Variants in MKS1 observed in about 807,000 individuals in gnomAD.
MKS1 encodes tectonic-like complex member MKS1.
Under a neutral mutation model 83.7 loss-of-function variants are expected in MKS1, and 70 were observed. That is an observed-to-expected ratio of 0.84 (90% CI 0.69 to 1.02). The LOEUF (loss-of-function observed/expected upper bound fraction) is 1.02, where lower values mean the gene tolerates loss of function less well. MKS1 is among the 50% of genes least tolerant of loss of function. The pLI is 0.00. For missense variants in MKS1, 681 were observed against 726.9 expected (o/e 0.94, Z 0.73); for synonymous variants, 251 against 273.4 (o/e 0.92, Z 0.81).
chr17:58,213,716 C>A (rs1184503080), intron 7 of MKS1, 49 bp downstream of exon 7: 1 of 1,439,758 alleles, frequency 6.9e-7, no homozygotes. Flanking sequence ...AAAAGTGCAA[C>A]CAAGGGAAGG....
At chr17:58,218,239 G>C (rs1969348486) in intron 2 of MKS1, among the ~76,000 whole-genome samples, 3 of 151,994 alleles carry the variant, frequency 2.0e-5, no homozygotes, top group Non-Finnish European at 4.4e-5. Flanking sequence ...ACGAGGTCAG[G>C]AGATCGAGAC....
At position 58,219,186 on chromosome 17, in the gene MKS1, A is replaced by T; in HGVS notation, c.45T>A (p.Tyr15Ter). The T allele has an allele frequency of 3.2e-6, 5 of 1,551,218 alleles. No homozygotes were observed. Among genetic ancestry groups the T allele is most frequent in the Non-Finnish European group, 4.4e-6 (5 of 1,147,002 alleles). The change falls in exon 1 of 18, where the codon TAT becomes TAA. Residue 15 changes from tyrosine to a stop codon, truncating the protein, a stop_gained. Coordinates refer to ENST00000393119, the MANE Select transcript of MKS1 (RefSeq NM_017777.4). LOFTEE classifies it high-confidence loss of function. ...AGTTGCGCACGGGGTCCCGGGAGCG[A>T]TACACTGCCTCCCCGGTGTCAGTGC... ...VWSTDTGEAV[Y>*]RSRDPVRNLR...
Position 58,205,839 on chromosome 17 carries a change from C to T in MKS1, c.*240G>A. 4 of 1,439,522 alleles carry T rather than the reference C, an allele frequency of 2.8e-6. No individual in the cohort carries two copies. In the African/African-American group the frequency reaches 5.7e-5, roughly 21 times the overall value. 89.2% of individuals were successfully genotyped at this position (1,439,522 alleles called of 1,614,324 possible). A position where few individuals can be genotyped will look rare whatever the true frequency, so the allele number is the denominator to read the frequency against. On this transcript the variant is annotated 3_prime_UTR_variant, in exon 18 of 18. Transcript: ENST00000393119. Reference sequence around the variant, plus strand: ...CAAAAAGCCTGCCTTGCTGTGATGCCCATTGACAGTGGCTGCAAATATAAA... The same window carrying T: ...CAAAAAGCCTGCCTTGCTGTGATGCTCATTGACAGTGGCTGCAAATATAAA...
intron 6 of MKS1, 146 bp downstream of exon 6, chr17:58,214,113 T>G (rs1969045195): frequency 1.0e-5 from 13 of 1,251,578 alleles, no homozygotes; most frequent in Non-Finnish European, 1.5e-5. Context: ...GAGTTGGCAG[T>G]GAGAAGCTTC....
At position 58,218,560 on chromosome 17, in the gene MKS1, C is replaced by A. The variant is rs1055700914; in HGVS notation, c.190+60G>T. 6.4e-6 allele frequency: 8 copies of A among 1,259,072 alleles called. No individual in the cohort carries two copies. In the African/African-American group the frequency reaches 1.0e-4, roughly 17 times the overall value. 78.0% of individuals were successfully genotyped at this position (1,259,072 alleles called of 1,614,324 possible). On this transcript the variant is annotated intron_variant, in intron 2 of 17. Coordinates refer to ENST00000393119, the MANE Select transcript of MKS1 (RefSeq NM_017777.4). ...TATTTGTTATCTCACTACATTTGGC[C>A]ACAATTCTGATTAGTATCATAATTA...
chr17:58,207,895 TG>T lies in MKS1; in HGVS notation c.1271del (p.Pro424GlnfsTer6). The T allele has an allele frequency of 6.2e-7, 1 of 1,613,568 alleles. No homozygotes were observed. Among genetic ancestry groups the T allele is most frequent in the Non-Finnish European group, 8.5e-7 (1 of 1,179,526 alleles). The stretch of plus-strand genomic sequence containing the variant: ...AGAAGGGCAGAGACGAGCGGTTACC[TG>T]GAGTGGCAGGCAGCACCACAGCCCC... ...GYGAVVLPATPGSHTLTVSTW... is the reference protein window; with the variant it reads ...GYGAVVLPATXGSHTLTVSTW... On this transcript the variant is annotated frameshift_variant and splice_region_variant, in exon 14 of 18. Transcript: ENST00000393119. LOFTEE classifies it high-confidence loss of function.
intron 4 of MKS1, 181 bp downstream of exon 4, chr17:58,215,907 C>T (rs772394798): frequency 7.8e-5 from 57 of 726,570 alleles, no homozygotes; most frequent in Middle Eastern, 3.9e-4. Context: ...GCAGCCTCAC[C>T]ACCTGTAGAC....
Position 58,214,306 on chromosome 17 carries a change from G to T in MKS1, c.597C>A (p.Thr199=). 1 of 1,614,106 alleles carries T rather than the reference G, an allele frequency of 6.2e-7. No homozygotes were observed. The highest frequency in any genetic ancestry group is 8.5e-7 in the Non-Finnish European group (1 of 1,180,036). Residue 199 remains threonine, a synonymous_variant, in exon 6 of 18, where the codon ACC becomes ACA. Coordinates refer to ENST00000393119, the MANE Select transcript of MKS1 (RefSeq NM_017777.4). ...CCATGATGTGCATTGTCTGAAGAGG[G>T]GTGTTAATGACGTGGTTGTTCCTGA... is the stretch of plus-strand genomic sequence containing the variant. ...EFVRNNHVIN[T]PLQTMHIMAD... is the part of the protein sequence containing the mutation.
At position 58,205,508 on chromosome 17, in the gene MKS1, T is replaced by G; in HGVS notation, c.*571A>C. 7.8e-7 allele frequency: 1 copy of G among 1,281,094 alleles called. No individual in the cohort carries two copies. The highest frequency in any genetic ancestry group is 1.0e-6 in the Non-Finnish European group (1 of 980,742). 79.4% of individuals were successfully genotyped at this position (1,281,094 alleles called of 1,614,324 possible). A position where few individuals can be genotyped will look rare whatever the true frequency, so the allele number is the denominator to read the frequency against. On this transcript the variant is annotated 3_prime_UTR_variant, in exon 18 of 18. Coordinates refer to ENST00000393119, the MANE Select transcript of MKS1 (RefSeq NM_017777.4). ...ACAAACAAAAAAACACAGTAAAAGA[T>G]ACCACCCAGCTAGCAGAAAGGACTC...
chr17:58,211,257 T>G lies in MKS1; in HGVS notation c.916-235A>C, dbSNP rs373716580. On this transcript the variant is annotated intron_variant, in intron 9 of 17. Transcript: ENST00000393119. ...AAATGGCAGTGAGGACAATGCACTA[T>G]GGGAAATTATTCAAGCAACAGCAAC... 4.7e-4 allele frequency: 262 copies of G among 556,826 alleles called. 1 individual carries two copies. The East Asian group carries it at 6.4e-3, about 14-fold the overall frequency. The allele number at this position is 556,826 out of a possible 1,614,324, so 34.5% of individuals were successfully genotyped here. A position where few individuals can be genotyped will look rare whatever the true frequency, so the allele number is the denominator to read the frequency against.
chr17:58,212,451 A>C lies in MKS1; in HGVS notation c.859-17T>G. ...GCCATAAAGCTGAGGAAACAAACCA[A>C]ACCAAAACTCAAGATGCAACCCAAG... On this transcript the variant is annotated splice_polypyrimidine_tract_variant and intron_variant, in intron 8 of 17. Transcript: ENST00000393119. 6.2e-7 allele frequency: 1 copy of C among 1,614,108 alleles called. No individual in the cohort carries two copies. The highest frequency in any genetic ancestry group is 8.5e-7 in the Non-Finnish European group (1 of 1,179,990).
Position 58,214,852 on chromosome 17 carries a change from G to T in MKS1, c.418-14C>A. The T allele has an allele frequency of 6.3e-7, 1 of 1,595,150 alleles. No individual in the cohort carries two copies. On this transcript the variant is annotated splice_polypyrimidine_tract_variant and intron_variant, in intron 4 of 17. Coordinates refer to ENST00000393119, the MANE Select transcript of MKS1 (RefSeq NM_017777.4). ...TCTCTGACAGTGCTGGGAAAAGCAA[G>T]CAGCCCTGTGTACGCCATCTGGTCA...
chr17:58,211,872 T>G (rs906832219), intron 9 of MKS1, among the ~76,000 whole-genome samples: 1 of 152,138 alleles, frequency 6.6e-6, no homozygotes, highest in African/African-American at 2.4e-5. Context: ...GGCCTATATT[T>G]TTTAAGAGCC....
chr17:58,214,788 G>T lies in MKS1; in HGVS notation c.468C>A (p.Val156=). 6.2e-7 allele frequency: 1 copy of T among 1,606,862 alleles called. No individual in the cohort carries two copies. Among genetic ancestry groups the T allele is most frequent in the South Asian group, 1.1e-5 (1 of 90,936 alleles). ...GACGCCTGACATTTGCCATTCGCTC[G>T]ACCAAGAATGAAGGCACCTCGCTGG... ...TAASEVPSFL[V]ERMANVRRRR... Residue 156 remains valine (V), a synonymous_variant, in exon 5 of 18, where the codon GTC becomes GTA. Coordinates refer to ENST00000393119, the MANE Select transcript of MKS1 (RefSeq NM_017777.4).
In MKS1 at chr17:58,208,510, T is replaced by A; in HGVS notation, c.1095+3A>T. 1 of 1,613,790 alleles carries A rather than the reference T, an allele frequency of 6.2e-7. No homozygotes were observed. The highest frequency in any genetic ancestry group is 1.1e-5 in the South Asian group (1 of 91,072). On this transcript the variant is annotated splice_donor_region_variant and intron_variant, in intron 12 of 17. Coordinates refer to ENST00000393119, the MANE Select transcript of MKS1 (RefSeq NM_017777.4). ...TCCAGATACCCGCTCTCATTCTCCA[T>A]ACCATTGCCAGGGACTTGGTGGTGC... is the stretch of plus-strand genomic sequence containing the variant.
Position 58,216,237 on chromosome 17 carries a change from C to T in MKS1, c.268G>A (p.Val90Ile), listed in dbSNP as rs1235520151. The change falls in exon 4 of 18, where the codon GTA (valine) becomes ATA (isoleucine). Residue 90 changes from valine to isoleucine, a missense_variant. Physicochemically the swap from Val to Ile is conservative, Grantham distance 29 (BLOSUM62 3). Around this residue, in one of 3 missense-constraint regions of MKS1, gnomAD observed 365 missense variants for 383.8 expected, o/e 0.95. Transcript: ENST00000393119. ...WQEKLFSQFEVDLYQNETACQ... is the reference protein window; with the variant it reads ...WQEKLFSQFEIDLYQNETACQ... ...GCTGTTTCATTTTGGTACAGATCTA[C>T]TTCAAACTGAGGTTACCATAAGGAA... is the stretch of plus-strand genomic sequence containing the variant. The T allele has an allele frequency of 1.2e-6, 2 of 1,612,644 alleles. No individual in the cohort carries two copies. The highest frequency in any genetic ancestry group is 2.7e-5 in the African/African-American group (2 of 74,940).
rs1443715008 is a variant in MKS1 at position 58,209,428 on chromosome 17, A to G, written c.1025-845T>C. On this transcript the variant is annotated intron_variant, in intron 11 of 17. Coordinates refer to ENST00000393119, the MANE Select transcript of MKS1 (RefSeq NM_017777.4). The surrounding 1 kb of genome is among the most constrained non-coding windows in gnomAD (Gnocchi z 4.1). ...GGAGACAGACAAAAACCAAACCAAC[A>G]AGAGACTATTGGGTAGTGATGAGTG... 6.6e-6 allele frequency among the ~76,000 whole-genome samples: 1 copy of G among 152,168 alleles called. No individual in the cohort carries two copies. Among genetic ancestry groups the G allele is most frequent in the Non-Finnish European group, 1.5e-5 (1 of 68,028 alleles).
rs1042662008 is a variant in MKS1 at position 58,205,869 on chromosome 17, G to A, written c.*210C>T. 1.0e-5 allele frequency: 15 copies of A among 1,431,636 alleles called. No homozygotes were observed. In the African/African-American group the frequency reaches 1.7e-4, roughly 16 times the overall value. 88.7% of individuals were successfully genotyped at this position (1,431,636 alleles called of 1,614,324 possible). A position where few individuals can be genotyped will look rare whatever the true frequency, so the allele number is the denominator to read the frequency against. ...GACAGTGGCTGCAAATATAAAGGGGGGGCCACAGGGTCTCTGGCTTTATTT... is the reference window on the plus strand; with the variant it reads ...GACAGTGGCTGCAAATATAAAGGGGAGGCCACAGGGTCTCTGGCTTTATTT... On this transcript the variant is annotated 3_prime_UTR_variant, in exon 18 of 18. Coordinates refer to ENST00000393119, the MANE Select transcript of MKS1 (RefSeq NM_017777.4).
rs568140348 is a variant in MKS1 at position 58,209,218 on chromosome 17, G to A, written c.1025-635C>T. On this transcript the variant is annotated intron_variant, in intron 11 of 17. Transcript: ENST00000393119. The surrounding 1 kb of genome is among the most constrained non-coding windows in gnomAD (Gnocchi z 4.1). ...GGTACACCTCCCAGATGGGGCGGCC[G>A]GGCAGAGGCGCTCCTCACTTCCCAG... is the stretch of plus-strand genomic sequence containing the variant. Among the ~76,000 whole-genome samples the A allele has an allele frequency of 2.0e-5, 3 of 152,212 alleles. No individual in the cohort carries two copies. The highest frequency in any genetic ancestry group is 2.0e-4 in the Admixed American group (3 of 15,294).
Sources: allele counts gnomAD v4.1 joint callset (sites outside exome capture counted in the v4.1 genomes callset), GRCh38; gene constraint gnomAD v4.1.1; regional missense constraint gnomAD v4.1.1; non-coding constraint Gnocchi (gnomAD v3.1); transcripts MANE v1.5; gene names NCBI Gene and HGNC (gene_info 2026-07-23, HGNC 2026-07-21).